CAPRIN2: variants seen among roughly 807,000 people sequenced by gnomAD.
CAPRIN2 encodes caprin-2.
A neutral mutation model predicts 130.4 loss-of-function variants in CAPRIN2; 66 were observed. That is an observed-to-expected ratio of 0.51 (90% CI 0.42 to 0.62). The LOEUF (loss-of-function observed/expected upper bound fraction) is 0.62. Ranked by LOEUF, CAPRIN2 falls within the 20% of genes least tolerant of loss-of-function variation. The pLI, the probability that CAPRIN2 is intolerant of heterozygous loss-of-function variation, is 0.00. For missense variants in CAPRIN2, 1,185 were observed against 1,246.6 expected (o/e 0.95, Z 0.74); for synonymous variants, 471 against 444.1 (o/e 1.06, Z -0.76).
rs111721369 is a variant in CAPRIN2, at chr12:30,751,354, C to A, written c.421-221G>T. 20,153 of 533,280 alleles carry A rather than the reference C, an allele frequency of 0.038. 583 individuals are homozygous for A. Among genetic ancestry groups the A allele is most frequent in the African/African-American group, 0.1 (5,504 of 52,524 alleles). 33.0% of individuals were successfully genotyped at this position (533,280 alleles called of 1,614,324 possible). A position where few individuals can be genotyped will look rare whatever the true frequency, so the allele number is the denominator to read the frequency against. On this transcript the variant is annotated intron_variant, in intron 1 of 16. Transcript: ENST00000298892. ...TGAGTCTGGAATTACAAAACCTAAG[C>A]AGTAATAAAACTATTTTCTCTTAAT... is the stretch of plus-strand genomic sequence containing the variant.
rs558379607 is a variant in CAPRIN2 at position 30,723,091 on chromosome 12, G to A, written c.2043+168C>T. Among the ~76,000 whole-genome samples, 3 of 152,188 alleles carry A rather than the reference G, an allele frequency of 2.0e-5. No homozygotes were observed. The South Asian group carries it at 6.2e-4, about 32-fold the overall frequency. On this transcript the variant is annotated intron_variant, in intron 11 of 16. Coordinates refer to ENST00000298892, the Ensembl canonical transcript of CAPRIN2. ...CTATATGTTTTCAGCATAGTCATCG[G>A]GGAATCATTTTAGGACAAGTCGTAT...
intron 12 of CAPRIN2, among the ~76,000 whole-genome samples, chr12:30,718,846 C>T (rs1160290257): frequency 6.6e-6 from 1 of 152,168 alleles, no homozygotes; most frequent in Non-Finnish European, 1.5e-5. Context: ...GCTACTAATT[C>T]TAAAAGAAGG....
chr12:30,724,846 T>C (rs1262187052), intron 9 of CAPRIN2, among the ~76,000 whole-genome samples: 1 of 151,948 alleles, frequency 6.6e-6, no homozygotes, highest in Non-Finnish European at 1.5e-5. Context: ...TTTGAAGAAT[T>C]AGCTAGGCAT....
intron 1 of CAPRIN2, among the ~76,000 whole-genome samples, chr12:30,752,686 ATAG>A (rs1356499343): frequency 1.3e-5 from 2 of 152,188 alleles, no homozygotes; most frequent in African/African-American, 4.8e-5. Flanking sequence ...TTAACAACAC[ATAG>A]GTCCAGATAG....
intron 5 of CAPRIN2, among the ~76,000 whole-genome samples, chr12:30,732,439 C>T (rs2063051351): frequency 6.6e-6 from 1 of 151,544 alleles, no homozygotes; most frequent in Non-Finnish European, 1.5e-5. Flanking sequence ...AGGCAAAATC[C>T]TCCTATCTTA....
chr12:30,730,312 A>G (rs1188313568), intron 6 of CAPRIN2, 30 bp from the exon 8 acceptor site: 1 of 1,501,414 alleles, frequency 6.7e-7, no homozygotes, highest in Non-Finnish European at 9.3e-7. Flanking sequence ...CTGAATAAAT[A>G]CTAGGTGAAC....
intron 9 of CAPRIN2, among the ~76,000 whole-genome samples, chr12:30,725,234 A>T (rs2060560670): frequency 6.6e-6 from 1 of 152,202 alleles, no homozygotes; most frequent in Non-Finnish European, 1.5e-5. Context: ...GTTCTCTCAG[A>T]AAAGTTTCCA....
At chr12:30,750,958 A>G (rs1180596135) in intron 2 of CAPRIN2, 113 bp downstream of exon 3, 11 of 789,536 alleles carry the variant, frequency 1.4e-5, no homozygotes, top group Non-Finnish European at 2.4e-5. Flanking sequence ...TGAACAAACT[A>G]TGGATTTTAA....
At chr12:30,715,451 T>G in intron 13 of CAPRIN2, 1 of 472,508 alleles carries the variant, frequency 2.1e-6, no homozygotes, top group Non-Finnish European at 4.2e-6. Context: ...TTATATGAGG[T>G]ACCTAGAGCA....
chr12:30,744,404 A>G (rs1478632621), intron 2 of CAPRIN2, among the ~76,000 whole-genome samples: 1 of 152,174 alleles, frequency 6.6e-6, no homozygotes, highest in Non-Finnish European at 1.5e-5. Context: ...AATGGTGTAC[A>G]AAGACCTACC....
At chr12:30,716,561 T>C in exon 13 of CAPRIN2, 1 of 1,614,024 alleles carries the variant, frequency 6.2e-7, no homozygotes, top group Non-Finnish European at 8.5e-7. Flanking sequence ...CAGTTGGCAC[T>C]GGGGTGGTGT....
At chr12:30,748,845 TAC>T (rs1445456461) in intron 2 of CAPRIN2, among the ~76,000 whole-genome samples, 1 of 152,226 alleles carries the variant, frequency 6.6e-6, no homozygotes, top group Non-Finnish European at 1.5e-5. Context: ...TACTACATGC[TAC>T]ACTCTATTCT....
At chr12:30,724,625 G>C (rs2060364183) in intron 9 of CAPRIN2, among the ~76,000 whole-genome samples, 174 bp from the exon 11 acceptor site, 1 of 152,084 alleles carries the variant, frequency 6.6e-6, no homozygotes, top group Non-Finnish European at 1.5e-5. Flanking sequence ...AGTCTCCATA[G>C]ATAAAGAAAT....
intron 12 of CAPRIN2, chr12:30,719,971 C>T (rs993487282): frequency 6.6e-6 from 1 of 152,152 alleles, no homozygotes; most frequent in Non-Finnish European, 1.5e-5. Context: ...CTGATAGTTG[C>T]TAAATTACTC....
intron 13 of CAPRIN2, 105 bp downstream of exon 15, chr12:30,716,403 G>T (rs1591954064): frequency 9.8e-7 from 1 of 1,021,444 alleles, no homozygotes; most frequent in Non-Finnish European, 1.5e-6. Context: ...ATGCTTACTG[G>T]TCAGGAAAAT....
At chr12:30,750,237 T>C (rs1400361559) in intron 2 of CAPRIN2, among the ~76,000 whole-genome samples, 1 of 152,136 alleles carries the variant, frequency 6.6e-6, no homozygotes. Flanking sequence ...GAGGAGTCAC[T>C]ATGGAATGGG....
rs774594835 is a variant in CAPRIN2, at chr12:30,710,252, T to C, written c.2884A>G (p.Thr962Ala). Reference sequence around the variant, plus strand: ...TCAAACACAATAGGTTGGTCTAAAGTTCCAGGGGCCAGATTAGAGGTTCTG... The same window carrying C: ...TCAAACACAATAGGTTGGTCTAAAGCTCCAGGGGCCAGATTAGAGGTTCTG... The change falls in exon 17 of 17, where the codon ACT (threonine) becomes GCT (alanine). Residue 962 changes from threonine (T) to alanine (A), a missense_variant. Physicochemically the swap from Thr to Ala is moderately conservative, Grantham distance 58. Coordinates refer to ENST00000298892, the Ensembl canonical transcript of CAPRIN2. This position sits in a 1 kb window ranked among gnomAD's most constrained non-coding sequence, Gnocchi z 4.8. 2.5e-6 allele frequency: 4 copies of C among 1,614,172 alleles called. No individual in the cohort carries two copies. The East Asian group carries it at 8.9e-5, about 36-fold the overall frequency.
chr12:30,711,599 C>T, exon 16 of CAPRIN2: 1 of 1,613,892 alleles, frequency 6.2e-7, no homozygotes, highest in Non-Finnish European at 8.5e-7. Context: ...CCAGATGTCC[C>T]TCCTCGCTTA....
intron 2 of CAPRIN2, among the ~76,000 whole-genome samples, chr12:30,749,407 G>A (rs1356126963): frequency 2.0e-5 from 3 of 152,172 alleles, no homozygotes; most frequent in Non-Finnish European, 4.4e-5. Context: ...AGTTTACTAC[G>A]TTGAACAGAC....
Sources: gnomAD v4.1 joint callset for allele counts (sites outside exome capture counted in the v4.1 genomes callset) on GRCh38, gnomAD v4.1.1 for gene constraint, Gnocchi (gnomAD v3.1) non-coding constraint, MANE v1.5 for transcripts, NCBI Gene and HGNC (gene_info 2026-07-23, HGNC 2026-07-21) for gene names.